SYCE3: variants seen among roughly 807,000 people sequenced by gnomAD.
The protein encoded by SYCE3 is testis highly expressed gene 2 protein.
A neutral mutation model predicts 8.1 loss-of-function variants in SYCE3; 3 were observed. The ratio of observed to expected loss-of-function variants is 0.37; its 90% CI spans 0.17 to 0.96. SYCE3 has a LOEUF of 0.96. Among genes scored for constraint, SYCE3 ranks in the 40% least tolerant of loss-of-function variants. SYCE3 has a pLI of 0.41. For missense variants in SYCE3, 83 were observed against 110.0 expected, an observed-to-expected ratio of 0.75 and a Z score of 1.10; for synonymous variants, 36 against 38.7, an observed-to-expected ratio of 0.93 and a Z score of 0.26.
At position 50,551,409 on chromosome 22, in the gene SYCE3, C is replaced by A. The variant is rs549129740; in HGVS notation, c.110-7G>T. The A allele has an allele frequency of 6.5e-7, 1 of 1,547,844 alleles. No homozygotes were observed. Among genetic ancestry groups the A allele is most frequent in the African/African-American group, 1.4e-5 (1 of 73,160 alleles). On this transcript the variant is annotated splice_region_variant and splice_polypyrimidine_tract_variant and intron_variant, in intron 2 of 2. Coordinates refer to ENST00000406915, the MANE Select transcript of SYCE3 (RefSeq NM_001123225.3). ...GCCATCCAGGTCGCCTGCACTGCAA[C>A]AAGCAGACAGGACTGGTCAGGCCAC...
intron 1 of SYCE3, among the ~76,000 whole-genome samples, chr22:50,557,748 G>T (rs11913340): frequency 6.6e-6 from 1 of 152,132 alleles, no homozygotes; most frequent in Non-Finnish European, 1.5e-5. Context: ...TGTAAGAGCT[G>T]CCAGGGAACT....
At chr22:50,556,169 C>T in intron 2 of SYCE3, 128 bp downstream of exon 2, 1 of 638,148 alleles carries the variant, frequency 1.6e-6, no homozygotes, top group Non-Finnish European at 2.7e-6. Context: ...CTGTACCCTG[C>T]CAACCTTGAA....
chr22:50,555,665 T>C (rs2069853067), intron 2 of SYCE3, among the ~76,000 whole-genome samples: 1 of 152,202 alleles, frequency 6.6e-6, no homozygotes, highest in Admixed American at 6.5e-5. Flanking sequence ...TTCCTTTCTA[T>C]TGATTCCAGG....
At chr22:50,558,502 G>A (rs2069882573) in intron 1 of SYCE3, among the ~76,000 whole-genome samples, 1 of 152,130 alleles carries the variant, frequency 6.6e-6, no homozygotes, top group Non-Finnish European at 1.5e-5. Context: ...TAGAGATTCT[G>A]AGGGAGGAGC....
rs552750088 is a variant in SYCE3, at chr22:50,558,945, A to G, written c.1-2540T>C. Among the ~76,000 whole-genome samples, 256 of 152,272 alleles carry G rather than the reference A, an allele frequency of 1.7e-3. 1 individual carries two copies. Among genetic ancestry groups the G allele is most frequent in the African/African-American group, 6.0e-3 (248 of 41,544 alleles). On this transcript the variant is annotated intron_variant, in intron 1 of 2. Transcript: ENST00000406915. ...TCTTTCTTTTATTTAACATCTCTGCAGCACTGACATTTGGCCATTTTCTCC... is the reference window on the plus strand; with the variant it reads ...TCTTTCTTTTATTTAACATCTCTGCGGCACTGACATTTGGCCATTTTCTCC...
intron 2 of SYCE3, 47 bp from the exon 3 acceptor site, chr22:50,551,449 G>A (rs1294023311): frequency 1.3e-6 from 2 of 1,519,358 alleles, no homozygotes; most frequent in Non-Finnish European, 1.8e-6. Flanking sequence ...AGGGGCTGCA[G>A]CTCTGGGGTG....
chr22:50,553,214 T>TAAATAAATAAAG (rs2069827607), intron 2 of SYCE3, among the ~76,000 whole-genome samples: 1 of 151,776 alleles, frequency 6.6e-6, no homozygotes, highest in African/African-American at 2.4e-5. Context: ...AATAAATAAA[T>TAAATAAATAAAG]AAATAAATAA....
chr22:50,552,835 C>T (rs962673864), intron 2 of SYCE3, among the ~76,000 whole-genome samples: 1 of 152,094 alleles, frequency 6.6e-6, no homozygotes, highest in Non-Finnish European at 1.5e-5. Flanking sequence ...ATTAGCACCC[C>T]TTAAAGAAGA....
intron 2 of SYCE3, among the ~76,000 whole-genome samples, chr22:50,554,431 C>T (rs568121293): frequency 6.6e-6 from 1 of 151,898 alleles, no homozygotes; most frequent in East Asian, 2.0e-4. Context: ...TGGTGGCTCA[C>T]GCGTGTAATC....
At chr22:50,559,871 T>C (rs570177779) in intron 1 of SYCE3, among the ~76,000 whole-genome samples, 1 of 152,218 alleles carries the variant, frequency 6.6e-6, no homozygotes, top group African/African-American at 2.4e-5. Context: ...GAGGTTGCAG[T>C]GAGCCGAGAT....
chr22:50,555,068 G>A (rs953043010), intron 2 of SYCE3, among the ~76,000 whole-genome samples: 11 of 151,898 alleles, frequency 7.2e-5, no homozygotes, highest in Non-Finnish European at 1.5e-4. Context: ...CTTGCAGTGA[G>A]CCGAGATCAC....
chr22:50,557,729 G>C (rs2069874640), intron 1 of SYCE3, among the ~76,000 whole-genome samples: 1 of 111,688 alleles, frequency 9.0e-6, no homozygotes, highest in South Asian at 2.8e-4. Context: ...GAGAGAAATA[G>C]ATAAATAATG....
rs2069806851 is a variant in SYCE3, at chr22:50,551,356, G to A, written c.156C>T (p.Asn52=). ...GACGCATGGACTCGGCCAGCGTAGG[G>A]TTGGTGCGCATCACCACCATGTCAT... The part of the protein sequence containing the change: ...MAYDMVVMRT[N]PTLAESMRRL... The change falls in exon 3 of 3, where the codon AAC becomes AAT. Residue 52 remains asparagine (N), a synonymous_variant. Coordinates refer to ENST00000406915, the MANE Select transcript of SYCE3 (RefSeq NM_001123225.3). The A allele has an allele frequency of 1.3e-6, 2 of 1,551,100 alleles. No homozygotes were observed. Among genetic ancestry groups the A allele is most frequent in the Middle Eastern group, 1.7e-4 (1 of 5,992 alleles).
At chr22:50,553,869 C>G (rs2069833515) in intron 2 of SYCE3, among the ~76,000 whole-genome samples, 1 of 152,114 alleles carries the variant, frequency 6.6e-6, no homozygotes, top group Non-Finnish European at 1.5e-5. Flanking sequence ...GTGTGAGCCA[C>G]CGTGCCCAGC....
intron 1 of SYCE3, among the ~76,000 whole-genome samples, chr22:50,557,663 T>A (rs936479533): frequency 2.0e-5 from 3 of 152,214 alleles, no homozygotes; most frequent in Non-Finnish European, 4.4e-5. Flanking sequence ...ATACATTAAT[T>A]CATTCTGTTA....
chr22:50,557,994 G>C (rs1231109686), intron 1 of SYCE3, among the ~76,000 whole-genome samples: 1 of 152,172 alleles, frequency 6.6e-6, no homozygotes, highest in Non-Finnish European at 1.5e-5. Context: ...TAGACTGTGG[G>C]GTCCTGGAAA....
intron 2 of SYCE3, among the ~76,000 whole-genome samples, chr22:50,553,513 C>T (rs1421950765): frequency 6.6e-6 from 1 of 152,114 alleles, no homozygotes; most frequent in African/African-American, 2.4e-5. Context: ...CATTTGGCAT[C>T]GCACTGGGCC....
intron 2 of SYCE3, 79 bp downstream of exon 2, chr22:50,556,218 G>A (rs1603442793): frequency 2.0e-6 from 2 of 978,852 alleles, no homozygotes; most frequent in East Asian, 5.2e-5. Flanking sequence ...TGTCACAGGT[G>A]CATCTTTAAC....
At chr22:50,552,234 C>T (rs780878341) in intron 2 of SYCE3, among the ~76,000 whole-genome samples, 1 of 152,210 alleles carries the variant, frequency 6.6e-6, no homozygotes, top group African/African-American at 2.4e-5. Context: ...CATCCCAGAT[C>T]GTTCCGGTGC....
Sources: allele counts gnomAD v4.1 joint callset (sites outside exome capture counted in the v4.1 genomes callset), GRCh38; gene constraint gnomAD v4.1.1; transcripts MANE v1.5; gene names NCBI Gene and HGNC (gene_info 2026-07-23, HGNC 2026-07-21).